Variants in CDH13 observed in about 807,000 individuals in gnomAD.
The protein encoded by CDH13 is cadherin 13.
Under a neutral mutation model 63.8 loss-of-function variants are expected in CDH13, and 24 were observed. The observed-to-expected ratio is 0.38, with a 90% confidence interval of 0.27 to 0.53. CDH13 has a LOEUF of 0.53. Ranked by LOEUF, CDH13 falls within the 20% of genes least tolerant of loss-of-function variation. The pLI is 0.85. For synonymous variants in CDH13, 503 were observed against 355.3 expected, an observed-to-expected ratio of 1.42 and a Z score of -4.67; for missense variants, 1,049 against 903.1, an observed-to-expected ratio of 1.16 and a Z score of -2.07.
intron 5 of CDH13, among the ~76,000 whole-genome samples, chr16:83,218,035 A>G (rs7200285): frequency 0.19 from 28,580 of 152,132 alleles, 3,094 homozygotes; most frequent in African/African-American, 0.28. Context: ...ACAGACACAT[A>G]TGGTATCCTC....
intron 2 of CDH13, among the ~76,000 whole-genome samples, chr16:82,986,653 G>A (rs1299095859): frequency 6.6e-6 from 1 of 152,154 alleles, no homozygotes; most frequent in Non-Finnish European, 1.5e-5. Flanking sequence ...TAGCAGAAAT[G>A]AAAGAGGCAA....
intron 7 of CDH13, among the ~76,000 whole-genome samples, chr16:83,591,241 C>G (rs1471985682): frequency 6.6e-6 from 1 of 152,198 alleles, no homozygotes. Context: ...GTGACTCTGA[C>G]TCTATGTCTT....
chr16:83,499,976 T>C (rs2074233471), intron 7 of CDH13, among the ~76,000 whole-genome samples: 1 of 152,106 alleles, frequency 6.6e-6, no homozygotes, highest in African/African-American at 2.4e-5. Flanking sequence ...CTAATTTTTG[T>C]ATTTTTAGTA....
intron 8 of CDH13, among the ~76,000 whole-genome samples, chr16:83,619,245 G>A (rs1909579623): frequency 6.6e-6 from 1 of 152,154 alleles, no homozygotes; most frequent in Non-Finnish European, 1.5e-5. Context: ...AAGTGAACAG[G>A]GTCCCTGACC....
intron 6 of CDH13, among the ~76,000 whole-genome samples, chr16:83,382,824 CTT>C (rs1015841663): frequency 1.3e-5 from 2 of 152,182 alleles, no homozygotes; most frequent in Non-Finnish European, 2.9e-5. Context: ...CTGGAGCTGA[CTT>C]TGCACTCCCC....
chr16:83,569,278 G>A (rs1904350148), intron 7 of CDH13, among the ~76,000 whole-genome samples: 1 of 151,980 alleles, frequency 6.6e-6, no homozygotes, highest in Admixed American at 6.6e-5. Flanking sequence ...TCTCCCCATT[G>A]GAACCAGCTC....
chr16:83,053,813 C>A (rs1029773340), intron 3 of CDH13, among the ~76,000 whole-genome samples: 3 of 152,112 alleles, frequency 2.0e-5, no homozygotes, highest in Non-Finnish European at 4.4e-5. Flanking sequence ...ACATATACAG[C>A]AGCCCCCCTT....
intron 7 of CDH13, among the ~76,000 whole-genome samples, chr16:83,543,353 T>C (rs1266439763): frequency 6.6e-6 from 1 of 152,184 alleles, no homozygotes; most frequent in Non-Finnish European, 1.5e-5. Context: ...TGGAGCCCAA[T>C]GACAGAATGC....
chr16:83,169,917 T>C (rs2037849431), intron 4 of CDH13, among the ~76,000 whole-genome samples: 1 of 152,162 alleles, frequency 6.6e-6, no homozygotes, highest in South Asian at 2.1e-4. Flanking sequence ...CATATTCACA[T>C]CTGATTCTTC....
chr16:83,406,271 T>C (rs2092043187), intron 6 of CDH13, among the ~76,000 whole-genome samples: 1 of 152,066 alleles, frequency 6.6e-6, no homozygotes, highest in Non-Finnish European at 1.5e-5. Flanking sequence ...GAAATAGTTT[T>C]CTCCTTCCTT....
At chr16:83,425,420 C>T (rs576596120) in intron 6 of CDH13, among the ~76,000 whole-genome samples, 25 of 152,366 alleles carry the variant, frequency 1.6e-4, no homozygotes, top group Non-Finnish European at 3.4e-4. Context: ...TTACCTGCTG[C>T]GTTCCCACTC....
At chr16:83,240,673 TAA>T (rs55638991) in intron 5 of CDH13, among the ~76,000 whole-genome samples, 48,884 of 124,890 alleles carry the variant, frequency 0.39, 11,265 homozygotes, top group African/African-American at 0.56. Context: ...TTTTAAATAG[TAA>T]AAAAAAAAAA....
At chr16:82,733,200 A>G (rs371343770) in intron 1 of CDH13, among the ~76,000 whole-genome samples, 33 of 152,314 alleles carry the variant, frequency 2.2e-4, no homozygotes, top group African/African-American at 7.2e-4. Flanking sequence ...TTACATATGC[A>G]GACAAGTGAG....
chr16:82,847,246 T>C (rs2039299870), intron 1 of CDH13, among the ~76,000 whole-genome samples: 1 of 152,238 alleles, frequency 6.6e-6, no homozygotes, highest in Non-Finnish European at 1.5e-5. Flanking sequence ...ACCACAAATT[T>C]AGCAATTTAA....
At chr16:82,761,489 G>A (rs771046770) in intron 1 of CDH13, among the ~76,000 whole-genome samples, 10 of 152,290 alleles carry the variant, frequency 6.6e-5, no homozygotes, top group South Asian at 6.2e-4. Context: ...TAGCTTTCAT[G>A]TTCTTTCTAC....
At chr16:83,478,819 G>A (rs1486621723) in intron 6 of CDH13, among the ~76,000 whole-genome samples, 1 of 138,368 alleles carries the variant, frequency 7.2e-6, no homozygotes, top group East Asian at 2.1e-4. Flanking sequence ...CTGGCCAGTA[G>A]AGTCTTTTGA....
At chr16:83,503,794 C>T (rs1325948951) in intron 7 of CDH13, among the ~76,000 whole-genome samples, 1 of 151,840 alleles carries the variant, frequency 6.6e-6, no homozygotes, top group South Asian at 2.1e-4. Flanking sequence ...AGATATAAGA[C>T]CTTTGCCAGA....
At chr16:83,271,047 C>A (rs1008293458) in intron 5 of CDH13, among the ~76,000 whole-genome samples, 1 of 151,706 alleles carries the variant, frequency 6.6e-6, no homozygotes, top group Non-Finnish European at 1.5e-5. Flanking sequence ...GCCATGAACA[C>A]CACCAGCTCC....
Position 83,172,664 on chromosome 16 carries a change from C to T in CDH13, c.484-44681C>T, listed in dbSNP as rs147235255. Among the ~76,000 whole-genome samples, 120 of 152,180 alleles carry T rather than the reference C, an allele frequency of 7.9e-4. 2 individuals carry two copies. The highest frequency in any genetic ancestry group is 2.9e-3 in the African/African-American group (119 of 41,548). On this transcript the variant is annotated intron_variant, in intron 4 of 13. Coordinates refer to ENST00000567109, the MANE Select transcript of CDH13 (RefSeq NM_001257.5). ...TCACAGACCTCAGAAGCACCTTGAT[C>T]TCAGATTTTCAGCCTCCATCACTGT...
Sources: gnomAD v4.1 joint callset for allele counts (sites outside exome capture counted in the v4.1 genomes callset) on GRCh38, gnomAD v4.1.1 for gene constraint, MANE v1.5 for transcripts, NCBI Gene and HGNC (gene_info 2026-07-23, HGNC 2026-07-21) for gene names.